Variants in PCM1 observed in about 807,000 individuals in gnomAD.
PCM1 encodes the protein pericentriolar material 1, also known as pericentriolar material 1 protein.
Under a neutral mutation model 241.9 loss-of-function variants are expected in PCM1, and 157 were observed. That is an observed-to-expected ratio of 0.65 (90% CI 0.57 to 0.74). PCM1 has a LOEUF of 0.74. Ranked by LOEUF, PCM1 falls within the 30% of genes least tolerant of loss-of-function variation. The probability of loss-of-function intolerance (pLI) is 0.00; values close to 1 mark genes in which losing one functional copy is unlikely to be tolerated. For synonymous variants in PCM1, 1,085 were observed against 784.9 expected (o/e 1.38, Z -6.39); for missense variants, 3,478 against 2,360.1 (o/e 1.47, Z -9.81).
intron 31 of PCM1, among the ~76,000 whole-genome samples, chr8:18,010,219 G>T (rs1011250392): frequency 2.0e-5 from 3 of 152,166 alleles, no homozygotes; most frequent in African/African-American, 7.2e-5. Flanking sequence ...TCACAGGTGA[G>T]ATTGGATGAC....
At chr8:17,928,481 A>G (rs528330720) in intron 2 of PCM1, among the ~76,000 whole-genome samples, 1 of 151,992 alleles carries the variant, frequency 6.6e-6, no homozygotes, top group Non-Finnish European at 1.5e-5. Context: ...GTTTTTTTCA[A>G]TTAAAGAGAT....
At chr8:17,986,983 A>G (rs1274925062) in intron 26 of PCM1, among the ~76,000 whole-genome samples, 1 of 151,744 alleles carries the variant, frequency 6.6e-6, no homozygotes, top group African/African-American at 2.4e-5. Flanking sequence ...AGATACAGTA[A>G]TTTCTGAGTT....
intron 6 of PCM1, among the ~76,000 whole-genome samples, chr8:17,944,124 C>T (rs1273485899): frequency 6.6e-6 from 1 of 152,110 alleles, no homozygotes; most frequent in Non-Finnish European, 1.5e-5. Flanking sequence ...TTTCTTTGTA[C>T]CTTGTACCTG....
At chr8:17,938,610 C>G in intron 4 of PCM1, 130 bp from the exon 5 acceptor site, 3 of 636,056 alleles carry the variant, frequency 4.7e-6, no homozygotes, top group East Asian at 2.7e-5. Flanking sequence ...TCTTTCAGGT[C>G]TTAGTGCAAA....
chr8:17,982,826 C>G (rs1403430236), intron 24 of PCM1, among the ~76,000 whole-genome samples: 1 of 152,116 alleles, frequency 6.6e-6, no homozygotes, highest in Non-Finnish European at 1.5e-5. Context: ...TTAATCATTA[C>G]CCTAAAATTC....
chr8:17,961,954 C>T (rs779838917), intron 15 of PCM1, 80 bp from the exon 16 acceptor site: 27 of 1,263,902 alleles, frequency 2.1e-5, no homozygotes, highest in Non-Finnish European at 2.9e-5. Context: ...GCCTTAGTGC[C>T]ATATTTAAAG....
At position 17,972,694 on chromosome 8, in the gene PCM1, G is replaced by A. The variant is rs1170688735; in HGVS notation, c.3943+7G>A. Reference sequence around the variant, plus strand: ...AGCAGAGTTAAAAACATCAGTAAGTGTTGAAATTTGTTGAATGTTGATCAG... The same window carrying A: ...AGCAGAGTTAAAAACATCAGTAAGTATTGAAATTTGTTGAATGTTGATCAG... On this transcript the variant is annotated splice_region_variant and intron_variant, in intron 23 of 38. Transcript: ENST00000325083. The A allele has an allele frequency of 1.4e-6, 2 of 1,453,178 alleles. No individual in the cohort carries two copies. The highest frequency in any genetic ancestry group is 2.6e-5 in the Admixed American group (1 of 38,094). The allele number at this position is 1,453,178 out of a possible 1,614,324, so 90.0% of individuals were successfully genotyped here. A position where few individuals can be genotyped will look rare whatever the true frequency, so the allele number is the denominator to read the frequency against.
In PCM1 at chr8:18,014,748, A is replaced by C; in HGVS notation, c.5749A>C (p.Arg1917=). Residue 1917 remains arginine (R), a synonymous_variant, in exon 36 of 39, where the codon AGA becomes CGA. Transcript: ENST00000325083. ...RLPEMEPLVP[R]VKEVKSAQET... Reference sequence around the variant, plus strand: ...ACCTGAAATGGAACCCTTAGTGCCTAGAGTCAAAGAAGTTAAATCTGCTCA... The same window carrying C: ...ACCTGAAATGGAACCCTTAGTGCCTCGAGTCAAAGAAGTTAAATCTGCTCA... 1.2e-6 allele frequency: 2 copies of C among 1,613,050 alleles called. No individual in the cohort carries two copies. The highest frequency in any genetic ancestry group is 1.1e-5 in the South Asian group (1 of 91,028).
chr8:17,987,733 A>G (rs147113961), intron 26 of PCM1, among the ~76,000 whole-genome samples: 1 of 151,882 alleles, frequency 6.6e-6, no homozygotes, highest in Non-Finnish European at 1.5e-5. Context: ...ATACTCACAG[A>G]TCTGAAGCAG....
chr8:17,939,702 G>C lies in PCM1; in HGVS notation c.624G>C (p.Arg208Ser), dbSNP rs2061477491. The C allele has an allele frequency of 7.8e-6, 12 of 1,533,042 alleles. No individual in the cohort carries two copies. The highest frequency in any genetic ancestry group is 1.1e-5 in the Non-Finnish European group (12 of 1,138,242). The allele number at this position is 1,533,042 out of a possible 1,614,324, so 95.0% of individuals were successfully genotyped here. Residue 208 changes from arginine to serine, a missense_variant, in exon 6 of 39, where the codon AGG (arginine) becomes AGC (serine). Physicochemically the swap from Arg to Ser is moderately radical, Grantham distance 110. Transcript: ENST00000325083. The stretch of plus-strand genomic sequence containing the variant: ...TATTTCCCCTGCAGATTGTAAGCAG[G>C]CTTGTTCAAATTCGCGATTATATTA... ...PAMESSQIVS[R>S]LVQIRDYITK...
Position 18,029,313 on chromosome 8 carries a change from A to G in PCM1, c.*1651A>G, listed in dbSNP as rs1365612802. ...TATATCTTCAACTTTAATAAAACCT[A>G]TTCAGAAAATTACCAATTCAGAATT... On this transcript the variant is annotated 3_prime_UTR_variant, in exon 39 of 39. Coordinates refer to ENST00000325083, the MANE Select transcript of PCM1 (RefSeq NM_006197.4). 1 of 212,668 alleles carries G rather than the reference A, an allele frequency of 4.7e-6. No homozygotes were observed. Among genetic ancestry groups the G allele is most frequent in the Non-Finnish European group, 9.5e-6 (1 of 104,918 alleles). 13.2% of individuals were successfully genotyped at this position (212,668 alleles called of 1,614,324 possible).
chr8:18,025,671 A>C lies in PCM1; in HGVS notation c.6049+13A>C. On this transcript the variant is annotated intron_variant, in intron 38 of 38. Coordinates refer to ENST00000325083, the MANE Select transcript of PCM1 (RefSeq NM_006197.4). The stretch of plus-strand genomic sequence containing the variant: ...CTAAAAGAACCTGGTAAGAGTTATC[A>C]ATTTAAATCTTGCCATATTGAAAAA... The C allele has an allele frequency of 1.4e-6, 2 of 1,383,388 alleles. No homozygotes were observed. Among genetic ancestry groups the C allele is most frequent in the Non-Finnish European group, 2.0e-6 (2 of 1,000,756 alleles). 85.7% of individuals were successfully genotyped at this position (1,383,388 alleles called of 1,614,324 possible).
In PCM1 at chr8:18,009,545, A is replaced by C; in HGVS notation, c.4963-2A>C. On this transcript the variant is annotated splice_acceptor_variant, in intron 30 of 38. Transcript: ENST00000325083. LOFTEE classifies it high-confidence loss of function. ...AAAATTATTTGGTTTATCTTTGAAT[A>C]GGATTCACTGGCAAAATTTGCTGGC... The C allele has an allele frequency of 6.3e-7, 1 of 1,582,118 alleles. No homozygotes were observed. Among genetic ancestry groups the C allele is most frequent in the South Asian group, 1.2e-5 (1 of 86,760 alleles).
At chr8:17,943,559 C>G (rs1459341249) in intron 6 of PCM1, among the ~76,000 whole-genome samples, 3 of 152,012 alleles carry the variant, frequency 2.0e-5, no homozygotes, top group African/African-American at 7.2e-5. Context: ...ATTTAAAAAC[C>G]ACTTTGCTGT....
rs187045414 is a variant in PCM1 at position 17,993,521 on chromosome 8, G to A, written c.4729G>A (p.Val1577Ile). The change falls in exon 29 of 39, where the codon GTA becomes ATA. Residue 1577 changes from valine to isoleucine, a missense_variant. Coordinates refer to ENST00000325083, the MANE Select transcript of PCM1 (RefSeq NM_006197.4). Reference sequence around the variant, plus strand: ...TGAAAATCGTAGTTCACAACAACCTGTAAGTGAAGTTTCTACCATCCCATG... The same window carrying A: ...TGAAAATCGTAGTTCACAACAACCTATAAGTGAAGTTTCTACCATCCCATG... Reference protein sequence around the residue: ...VIENRSSQQPVSEVSTIPCPR... With the variant: ...VIENRSSQQPISEVSTIPCPR... The A allele has an allele frequency of 1.6e-5, 26 of 1,586,308 alleles. No individual in the cohort carries two copies. In the African/African-American group the frequency reaches 2.8e-4, roughly 17 times the overall value.
chr8:18,021,251 T>C (rs1025074034), intron 36 of PCM1, among the ~76,000 whole-genome samples: 4 of 152,112 alleles, frequency 2.6e-5, no homozygotes, highest in African/African-American at 9.7e-5. Context: ...GGCCCTGCAC[T>C]CTACAAACCA....
chr8:17,949,033 G>T (rs2064990960), intron 7 of PCM1, among the ~76,000 whole-genome samples: 1 of 152,132 alleles, frequency 6.6e-6, no homozygotes, highest in Non-Finnish European at 1.5e-5. Context: ...TAGGTCAGGG[G>T]TCTTGTTTCT....
chr8:17,952,951 GT>G lies in PCM1; in HGVS notation c.1072-17del, dbSNP rs760945052. ...GCGTTAGTCTTAATTCTTCTTTTTTGTTGTTTTTTTTTAATAAGCCTCCAGC... is the reference window on the plus strand; with the variant it reads ...GCGTTAGTCTTAATTCTTCTTTTTTGTGTTTTTTTTTAATAAGCCTCCAGC... On this transcript the variant is annotated intron_variant, in intron 8 of 38. Transcript: ENST00000325083. 289 of 1,456,106 alleles carry G rather than the reference GT, an allele frequency of 2.0e-4. No homozygotes were observed. The highest frequency in any genetic ancestry group is 2.4e-4 in the Non-Finnish European group (254 of 1,079,764). 90.2% of individuals were successfully genotyped at this position (1,456,106 alleles called of 1,614,324 possible).
At chr8:17,993,842 T>G (rs1287665020) in intron 29 of PCM1, among the ~76,000 whole-genome samples, 1 of 152,204 alleles carries the variant, frequency 6.6e-6, no homozygotes, top group Non-Finnish European at 1.5e-5. Flanking sequence ...TAAACTTCTT[T>G]CTAGATCATT....
Sources: allele counts gnomAD v4.1 joint callset (sites outside exome capture counted in the v4.1 genomes callset), GRCh38; gene constraint gnomAD v4.1.1; transcripts MANE v1.5; gene names NCBI Gene and HGNC (gene_info 2026-07-23, HGNC 2026-07-21).